BLK: variants seen among roughly 807,000 people sequenced by gnomAD.
BLK encodes tyrosine-protein kinase Blk.
Under a neutral mutation model 61.8 loss-of-function variants are expected in BLK, and 64 were observed. That is an observed-to-expected ratio of 1.03 (90% confidence interval 0.85 to 1.27). The LOEUF (loss-of-function observed/expected upper bound fraction) is 1.27, where lower values mean the gene tolerates loss of function less well. BLK is among the 50% of genes most tolerant of loss of function. The probability of loss-of-function intolerance (pLI) is 0.00; values close to 1 mark genes in which losing one functional copy is unlikely to be tolerated. For missense variants in BLK, 853 were observed against 660.5 expected (o/e 1.29, Z -3.19); for synonymous variants, 351 against 272.0 (o/e 1.29, Z -2.86).
At chr8:11,535,242 A>G (rs1800066405) in intron 1 of BLK, among the ~76,000 whole-genome samples, 1 of 148,290 alleles carries the variant, frequency 6.7e-6, no homozygotes, top group African/African-American at 2.5e-5. Context: ...AAAGAAAAGA[A>G]GGAAAGGAAA....
intron 1 of BLK, among the ~76,000 whole-genome samples, chr8:11,495,749 G>A (rs1342450246): frequency 1.3e-5 from 2 of 152,106 alleles, no homozygotes; most frequent in Non-Finnish European, 2.9e-5. Context: ...AAGCAACACC[G>A]CAAAGGTCAT....
At chr8:11,504,543 G>A (rs953422428) in intron 1 of BLK, among the ~76,000 whole-genome samples, 8 of 152,320 alleles carry the variant, frequency 5.3e-5, no homozygotes, top group South Asian at 4.1e-4. Flanking sequence ...CTGGTTATCC[G>A]TGTGTAATGC....
chr8:11,495,065 G>T (rs1194041330), intron 1 of BLK, among the ~76,000 whole-genome samples: 1 of 152,200 alleles, frequency 6.6e-6, no homozygotes, highest in Non-Finnish European at 1.5e-5. Context: ...GAATGAAGTT[G>T]TTCCATTTTT....
rs1798296110 is a variant in BLK at position 11,494,590 on chromosome 8, A to G, written c.-3A>G. ...GTGAAACACCACTGAAGCATTGCCA[A>G]GGTGAGGCCCTGCGTCTTCCGGGTT... is the stretch of plus-strand genomic sequence containing the variant. On this transcript the variant is annotated splice_region_variant and 5_prime_UTR_variant, in exon 1 of 13. Transcript: ENST00000259089. 6.6e-6 allele frequency: 1 copy of G among 152,302 alleles called. No individual in the cohort carries two copies. Among genetic ancestry groups the G allele is most frequent in the Admixed American group, 6.5e-5 (1 of 15,288 alleles). 9.4% of individuals were successfully genotyped at this position (152,302 alleles called of 1,614,324 possible). A position where few individuals can be genotyped will look rare whatever the true frequency, so the allele number is the denominator to read the frequency against.
intron 1 of BLK, among the ~76,000 whole-genome samples, chr8:11,510,442 A>T (rs1045282104): frequency 1.3e-5 from 2 of 152,166 alleles, no homozygotes; most frequent in African/African-American, 4.8e-5. Flanking sequence ...CAGGGTTTCT[A>T]ATCAGAAGTC....
At chr8:11,530,439 A>G (rs1366547354) in intron 1 of BLK, among the ~76,000 whole-genome samples, 2 of 152,236 alleles carry the variant, frequency 1.3e-5, no homozygotes, top group Non-Finnish European at 2.9e-5. Flanking sequence ...TTCTTAAAGC[A>G]GTCTGAAAAT....
At chr8:11,557,561 C>G (rs112559918) in intron 9 of BLK, among the ~76,000 whole-genome samples, 34 of 152,198 alleles carry the variant, frequency 2.2e-4, no homozygotes, top group Non-Finnish European at 4.0e-4. Flanking sequence ...CTTGCTGATG[C>G]CTGGTCCTCA....
At chr8:11,533,961 C>T (rs1025898481) in intron 1 of BLK, among the ~76,000 whole-genome samples, 1 of 152,232 alleles carries the variant, frequency 6.6e-6, no homozygotes, top group African/African-American at 2.4e-5. Context: ...GCGGGCCTGC[C>T]TTTCAATCCT....
chr8:11,546,696 C>T (rs935417964), intron 3 of BLK, among the ~76,000 whole-genome samples: 1 of 152,226 alleles, frequency 6.6e-6, no homozygotes, highest in Admixed American at 6.5e-5. Flanking sequence ...CTGCCTCAGC[C>T]TCCCAAGTAG....
intron 10 of BLK, chr8:11,560,877 C>A (rs1249535464): frequency 2.2e-6 from 1 of 464,344 alleles, no homozygotes; most frequent in Non-Finnish European, 4.3e-6. Context: ...TTCCCGAGGG[C>A]CTCCAGCTCC....
chr8:11,502,348 G>A lies in BLK; in HGVS notation c.-2+7757G>A, dbSNP rs368015380. On this transcript the variant is annotated intron_variant, in intron 1 of 12. Transcript: ENST00000259089. ...AGAAGGAGTCTTACTCTGTTGCCCAGGCTGCAGTGCAGTGGCACGATCTCT... is the reference window on the plus strand; with the variant it reads ...AGAAGGAGTCTTACTCTGTTGCCCAAGCTGCAGTGCAGTGGCACGATCTCT... Among the ~76,000 whole-genome samples the A allele has an allele frequency of 1.9e-4, 29 of 151,466 alleles. No individual in the cohort carries two copies. The South Asian group carries it at 4.4e-3, about 23-fold the overall frequency.
intron 1 of BLK, among the ~76,000 whole-genome samples, 182 bp from the exon 2 acceptor site, chr8:11,543,042 A>C (rs1334296764): frequency 6.6e-6 from 1 of 152,110 alleles, no homozygotes; most frequent in Non-Finnish European, 1.5e-5. Flanking sequence ...CCGAAAAAAG[A>C]TGGACACCCA....
At chr8:11,530,344 C>T (rs1470152102) in intron 1 of BLK, among the ~76,000 whole-genome samples, 1 of 152,170 alleles carries the variant, frequency 6.6e-6, no homozygotes, top group Non-Finnish European at 1.5e-5. Context: ...TCTTTATTTG[C>T]CACAGGTCGG....
At chr8:11,523,107 A>G (rs1799517824) in intron 1 of BLK, among the ~76,000 whole-genome samples, 1 of 152,198 alleles carries the variant, frequency 6.6e-6, no homozygotes, top group African/African-American at 2.4e-5. Flanking sequence ...AAAATTTCTT[A>G]AATAGTTGTA....
intron 1 of BLK, among the ~76,000 whole-genome samples, chr8:11,497,668 G>T (rs1406963682): frequency 1.3e-5 from 2 of 152,216 alleles, no homozygotes; most frequent in African/African-American, 2.4e-5. Context: ...GAAAATCAAG[G>T]TTAAGACATG....
intron 1 of BLK, among the ~76,000 whole-genome samples, chr8:11,522,873 G>A (rs1243913161): frequency 6.6e-6 from 1 of 152,102 alleles, no homozygotes; most frequent in East Asian, 1.9e-4. Flanking sequence ...ATCATACATG[G>A]TTAACACCTA....
chr8:11,563,781 T>G (rs369292852), intron 12 of BLK, 122 bp from the exon 13 acceptor site: 2 of 934,744 alleles, frequency 2.1e-6, no homozygotes, highest in Admixed American at 5.0e-5. Context: ...GGAGAAGTGG[T>G]CTGGGACTGT....
chr8:11,502,254 CTTTAA>C, intron 1 of BLK, among the ~76,000 whole-genome samples: 1 of 152,104 alleles, frequency 6.6e-6, no homozygotes, highest in Non-Finnish European at 1.5e-5. Context: ...TATAATTCAA[CTTTAA>C]TTTTTTATCA....
chr8:11,545,964 C>A (rs1800615526), intron 2 of BLK, 88 bp from the exon 3 acceptor site: 1 of 1,413,194 alleles, frequency 7.1e-7, no homozygotes, highest in Non-Finnish European at 1.0e-6. Context: ...TGGAGATACC[C>A]TGGCTGCCCG....
Sources: allele counts gnomAD v4.1 joint callset (sites outside exome capture counted in the v4.1 genomes callset), GRCh38; gene constraint gnomAD v4.1.1; transcripts MANE v1.5; gene names NCBI Gene and HGNC (gene_info 2026-07-23, HGNC 2026-07-21).